The following PIP5K1B variants were observed in gnomAD, a reference collection of about 807,000 sequenced individuals.
PIP5K1B encodes phosphatidylinositol-4-phosphate 5-kinase type 1 beta.
Under a neutral mutation model 67.0 loss-of-function variants are expected in PIP5K1B, and 42 were observed. That is an observed-to-expected ratio of 0.63 (90% CI 0.49 to 0.81). The LOEUF (loss-of-function observed/expected upper bound fraction) is 0.81. Among genes scored for constraint, PIP5K1B ranks in the 30% least tolerant of loss-of-function variants. The pLI is 0.00. For synonymous variants in PIP5K1B, 214 were observed against 231.4 expected (o/e 0.92, Z 0.68); for missense variants, 459 against 646.3 (o/e 0.71, Z 3.14).
At chr9:68,824,309 A>G in intron 4 of PIP5K1B, 1 of 515,240 alleles carries the variant, frequency 1.9e-6, no homozygotes, top group East Asian at 5.5e-5. Flanking sequence ...GTTATAGAAA[A>G]AATGTGACCA....
chr9:68,708,114 G>A (rs1278610407), intron 1 of PIP5K1B: 2 of 151,820 alleles, frequency 1.3e-5, no homozygotes, highest in Non-Finnish European at 2.9e-5. Context: ...CTTAACAAGT[G>A]CGTTTTAGCT....
At chr9:68,731,016 A>G (rs1322071168) in intron 1 of PIP5K1B, among the ~76,000 whole-genome samples, 1 of 152,240 alleles carries the variant, frequency 6.6e-6, no homozygotes, top group Non-Finnish European at 1.5e-5. Context: ...ATCATTAACC[A>G]GTAAACAGAT....
At chr9:68,967,836 C>T (rs903017616) in intron 14 of PIP5K1B, among the ~76,000 whole-genome samples, 2 of 152,138 alleles carry the variant, frequency 1.3e-5, no homozygotes, top group African/African-American at 4.8e-5. Context: ...GTTCAGATTT[C>T]TCTGAGAGTA....
intron 2 of PIP5K1B, among the ~76,000 whole-genome samples, chr9:68,818,219 A>T (rs1036721414): frequency 1.3e-5 from 2 of 152,226 alleles, no homozygotes; most frequent in Non-Finnish European, 2.9e-5. Context: ...TCTCAGAGTC[A>T]AGTTGTAGAC....
chr9:68,814,523 A>G (rs534785276), intron 2 of PIP5K1B, among the ~76,000 whole-genome samples: 60 of 152,300 alleles, frequency 3.9e-4, no homozygotes, highest in African/African-American at 1.4e-3. Flanking sequence ...TGATATAATT[A>G]TTTCATAATT....
chr9:68,774,111 G>C (rs1220005409), intron 2 of PIP5K1B, among the ~76,000 whole-genome samples: 1 of 151,920 alleles, frequency 6.6e-6, no homozygotes, highest in African/African-American at 2.4e-5. Flanking sequence ...AAAATAAAAG[G>C]CAATAAAATG....
At chr9:68,843,146 A>G (rs984722365) in intron 4 of PIP5K1B, 9 of 152,236 alleles carry the variant, frequency 5.9e-5, no homozygotes, top group Non-Finnish European at 1.3e-4. Context: ...TGTGAATACA[A>G]AGAACTAAGG....
intron 2 of PIP5K1B, among the ~76,000 whole-genome samples, chr9:68,769,359 CTG>C (rs1260224381): frequency 6.6e-6 from 1 of 152,074 alleles, no homozygotes; most frequent in Non-Finnish European, 1.5e-5. Context: ...GTCACTTATA[CTG>C]TGTTTTTTTT....
chr9:68,796,057 A>G (rs1832274366), intron 2 of PIP5K1B, among the ~76,000 whole-genome samples: 1 of 152,236 alleles, frequency 6.6e-6, no homozygotes, highest in South Asian at 2.1e-4. Flanking sequence ...CTGAGATGCC[A>G]TTGTTTGCAC....
chr9:68,798,919 TGG>T (rs1832439491), intron 2 of PIP5K1B, among the ~76,000 whole-genome samples: 1 of 152,176 alleles, frequency 6.6e-6, no homozygotes, highest in Non-Finnish European at 1.5e-5. Flanking sequence ...CAGCAAGATT[TGG>T]GAGAGGGCAT....
At chr9:68,867,147 CAA>C (rs5898044) in intron 5 of PIP5K1B, among the ~76,000 whole-genome samples, 1 of 150,736 alleles carries the variant, frequency 6.6e-6, no homozygotes, top group Admixed American at 6.6e-5. Context: ...ATCTTCCCTT[CAA>C]AAAAAAATGG....
At chr9:68,810,376 G>T (rs1271155812) in intron 2 of PIP5K1B, among the ~76,000 whole-genome samples, 2 of 152,164 alleles carry the variant, frequency 1.3e-5, no homozygotes, top group Non-Finnish European at 2.9e-5. Context: ...GACAGCAGCA[G>T]AGATGGACAT....
intron 4 of PIP5K1B, among the ~76,000 whole-genome samples, chr9:68,853,228 G>C (rs1822584754): frequency 6.6e-6 from 1 of 152,166 alleles, no homozygotes; most frequent in Non-Finnish European, 1.5e-5. Flanking sequence ...AATACAAGCT[G>C]AAGGGATGGA....
chr9:68,790,418 T>C (rs562542376), intron 2 of PIP5K1B, among the ~76,000 whole-genome samples: 2 of 152,352 alleles, frequency 1.3e-5, no homozygotes, highest in African/African-American at 4.8e-5. Context: ...CCACAGTTGG[T>C]TCCAAAGGGT....
intron 14 of PIP5K1B, among the ~76,000 whole-genome samples, chr9:68,968,057 A>C (rs1829132196): frequency 6.6e-6 from 1 of 152,264 alleles, no homozygotes; most frequent in South Asian, 2.1e-4. Context: ...GAGAAGACTC[A>C]GATCTGGCTC....
intron 14 of PIP5K1B, among the ~76,000 whole-genome samples, chr9:68,964,297 T>C (rs1437140901): frequency 1.4e-5 from 2 of 147,782 alleles, no homozygotes; most frequent in African/African-American, 5.3e-5. Context: ...CTTAAGGGTT[T>C]ATAAAAGGAT....
intron 2 of PIP5K1B, among the ~76,000 whole-genome samples, chr9:68,746,671 G>A (rs1564104235): frequency 1.3e-5 from 2 of 152,124 alleles, no homozygotes; most frequent in Admixed American, 6.5e-5. Flanking sequence ...GTCTCTTCTG[G>A]TCTTGTCCTC....
chr9:68,938,589 A>G (rs1272586276), intron 13 of PIP5K1B, among the ~76,000 whole-genome samples: 1 of 152,152 alleles, frequency 6.6e-6, no homozygotes, highest in Non-Finnish European at 1.5e-5. Flanking sequence ...TAGCCCATTT[A>G]TATTTAAGGT....
intron 15 of PIP5K1B, among the ~76,000 whole-genome samples, chr9:69,006,295 A>C (rs944719025): frequency 6.6e-6 from 1 of 152,196 alleles, no homozygotes; most frequent in African/African-American, 2.4e-5. Context: ...AGCAGATGGC[A>C]TGCTGGGCCC....
Sources: allele counts gnomAD v4.1 joint callset (sites outside exome capture counted in the v4.1 genomes callset), GRCh38; gene constraint gnomAD v4.1.1; transcripts MANE v1.5; gene names NCBI Gene and HGNC (gene_info 2026-07-23, HGNC 2026-07-21).